Variants in PCSK5 observed in about 807,000 individuals in gnomAD.
The protein encoded by PCSK5 is prohormone convertase 5.
Under a neutral mutation model 233.2 loss-of-function variants are expected in PCSK5, and 129 were observed. That is an observed-to-expected ratio of 0.55 (90% CI 0.48 to 0.64). The LOEUF (loss-of-function observed/expected upper bound fraction) is 0.64. Among genes scored for constraint, PCSK5 ranks in the 30% least tolerant of loss-of-function variants. The pLI, the probability that PCSK5 is intolerant of heterozygous loss-of-function variation, is 0.00. For synonymous variants in PCSK5, 825 were observed against 879.2 expected (o/e 0.94, Z 1.09); for missense variants, 2,076 against 2,430.1 (o/e 0.85, Z 3.06).
At position 75,932,796 on chromosome 9, in the gene PCSK5, A is replaced by G. The variant is rs1587381271; in HGVS notation, c.297+313A>G. On this transcript the variant is annotated intron_variant, in intron 2 of 37. Coordinates refer to ENST00000674117, the MANE Select transcript of PCSK5 (RefSeq NM_001372043.1). ...GATTGAGAATGATTGAACTGTTAACAATACCATACTGTCTACCTATTTGCA... is the reference window on the plus strand; with the variant it reads ...GATTGAGAATGATTGAACTGTTAACGATACCATACTGTCTACCTATTTGCA... Among the ~76,000 whole-genome samples the G allele has an allele frequency of 2.0e-5, 3 of 152,260 alleles. No individual in the cohort carries two copies. The South Asian group carries it at 6.2e-4, about 32-fold the overall frequency.
At chr9:76,056,808 T>A (rs541231073) in intron 5 of PCSK5, among the ~76,000 whole-genome samples, 3 of 152,326 alleles carry the variant, frequency 2.0e-5, no homozygotes, top group East Asian at 1.9e-4. Flanking sequence ...GCATTTTTTT[T>A]AAGTTATTAG....
At chr9:76,109,022 T>G (rs1191908654) in intron 9 of PCSK5, among the ~76,000 whole-genome samples, 1 of 152,196 alleles carries the variant, frequency 6.6e-6, no homozygotes, top group East Asian at 1.9e-4. Context: ...GATTTCTTTC[T>G]TTTTGACGAG....
At chr9:75,920,532 G>A (rs1823208962) in intron 1 of PCSK5, among the ~76,000 whole-genome samples, 1 of 152,050 alleles carries the variant, frequency 6.6e-6, no homozygotes, top group Non-Finnish European at 1.5e-5. Flanking sequence ...AGGCTGGGTG[G>A]TATGGGTCAT....
At chr9:76,064,774 G>T (rs1428788662) in intron 5 of PCSK5, among the ~76,000 whole-genome samples, 4 of 150,952 alleles carry the variant, frequency 2.6e-5, no homozygotes, top group Non-Finnish European at 5.9e-5. Context: ...TCCCAGATGG[G>T]GCGGCGGGGC....
chr9:76,162,451 C>T (rs1411955), intron 12 of PCSK5, among the ~76,000 whole-genome samples: 139,438 of 152,118 alleles, frequency 0.92, 64,082 homozygotes, highest in East Asian at 1. Flanking sequence ...AACAAGGGCA[C>T]AGAAAGGGGT....
At chr9:76,191,885 C>T (rs919422392) in intron 20 of PCSK5, among the ~76,000 whole-genome samples, 6 of 151,944 alleles carry the variant, frequency 3.9e-5, no homozygotes, top group African/African-American at 1.2e-4. Flanking sequence ...GTGAGACCAG[C>T]CTGAGCAACA....
rs59248860 is a variant in PCSK5 at position 76,173,496 on chromosome 9, C to CTTTTTTTTTTTT, written c.1757-1465_1757-1454dup. On this transcript the variant is annotated intron_variant, in intron 13 of 37. Coordinates refer to ENST00000674117, the MANE Select transcript of PCSK5 (RefSeq NM_001372043.1). ...CTTTAATGAAATGGAGGCACGTTTC[C>CTTTTTTTTTTTT]TTTTTTTTTTTTTTTTTTTTTTTTT... is the stretch of plus-strand genomic sequence containing the variant. Among the ~76,000 whole-genome samples the CTTTTTTTTTTTT allele has an allele frequency of 6.6e-3, 403 of 60,960 alleles. 46 individuals are homozygous for CTTTTTTTTTTTT. Among genetic ancestry groups the CTTTTTTTTTTTT allele is most frequent in the Non-Finnish European group, 9.1e-3 (274 of 30,096 alleles). 40.0% of individuals were successfully genotyped at this position (60,960 alleles called of 152,430 possible).
At chr9:76,331,696 G>T (rs942745967) in intron 33 of PCSK5, among the ~76,000 whole-genome samples, 19 of 151,904 alleles carry the variant, frequency 1.3e-4, no homozygotes, top group African/African-American at 4.6e-4. Flanking sequence ...GATGCCAGGG[G>T]ATCAGAGTCA....
intron 25 of PCSK5, 91 bp from the exon 26 acceptor site, chr9:76,295,184 C>T (rs9411163): frequency 0.2 from 230,070 of 1,151,822 alleles, 25,558 homozygotes; most frequent in Middle Eastern, 0.27. Context: ...AAACAAAAAA[C>T]TCTGCATAGA....
chr9:76,236,604 C>T (rs768511970), intron 22 of PCSK5, among the ~76,000 whole-genome samples: 27 of 152,166 alleles, frequency 1.8e-4, no homozygotes, highest in Non-Finnish European at 3.7e-4. Context: ...AAATTATCAT[C>T]CATAACTAAT....
At chr9:76,170,087 A>G (rs1432013994) in intron 13 of PCSK5, among the ~76,000 whole-genome samples, 2 of 152,256 alleles carry the variant, frequency 1.3e-5, no homozygotes, top group African/African-American at 4.8e-5. Context: ...TTGATGTTTC[A>G]GAATACATGA....
chr9:75,919,417 A>G (rs1213228495), intron 1 of PCSK5, among the ~76,000 whole-genome samples: 1 of 152,196 alleles, frequency 6.6e-6, no homozygotes, highest in Admixed American at 6.5e-5. Flanking sequence ...TCTAACAGTC[A>G]TGTACAAGTT....
intron 30 of PCSK5, among the ~76,000 whole-genome samples, chr9:76,311,419 C>G (rs1359163757): frequency 6.6e-6 from 1 of 151,154 alleles, no homozygotes; most frequent in African/African-American, 2.4e-5. Context: ...TTTTTTTCCT[C>G]CATTACAAAA....
intron 2 of PCSK5, among the ~76,000 whole-genome samples, chr9:75,980,236 G>A (rs1254175789): frequency 6.6e-6 from 1 of 152,178 alleles, no homozygotes; most frequent in Non-Finnish European, 1.5e-5. Context: ...ACAAAATATA[G>A]CAAGATTAAG....
At chr9:76,352,047 A>G (rs1373707748) in intron 36 of PCSK5, among the ~76,000 whole-genome samples, 6 of 152,244 alleles carry the variant, frequency 3.9e-5, no homozygotes, top group Non-Finnish European at 7.3e-5. Flanking sequence ...GGGCAAATCC[A>G]TAGAGTAAAG....
chr9:76,278,467 T>G (rs1305215286), intron 24 of PCSK5, among the ~76,000 whole-genome samples: 1 of 151,496 alleles, frequency 6.6e-6, no homozygotes, highest in African/African-American at 2.4e-5. Flanking sequence ...GGGAGATCTG[T>G]GGGAGGATGC....
intron 1 of PCSK5, among the ~76,000 whole-genome samples, chr9:75,892,840 C>T (rs1825670850): frequency 6.6e-6 from 1 of 152,180 alleles, no homozygotes; most frequent in Non-Finnish European, 1.5e-5. Flanking sequence ...GAAGCCAGCC[C>T]TGTGGAGAAC....
chr9:76,090,543 C>T (rs551716639), intron 7 of PCSK5, among the ~76,000 whole-genome samples: 1 of 152,294 alleles, frequency 6.6e-6, no homozygotes, highest in African/African-American at 2.4e-5. Flanking sequence ...ATGGCAGTCT[C>T]TATGCATTCT....
intron 24 of PCSK5, among the ~76,000 whole-genome samples, chr9:76,269,496 A>C (rs1005726872): frequency 3.9e-5 from 6 of 152,206 alleles, no homozygotes; most frequent in African/African-American, 1.4e-4. Context: ...GAAGGAGAAG[A>C]AGCTTAAAAA....
Sources: gnomAD v4.1 joint callset for allele counts (sites outside exome capture counted in the v4.1 genomes callset) on GRCh38, gnomAD v4.1.1 for gene constraint, MANE v1.5 for transcripts, NCBI Gene and HGNC (gene_info 2026-07-23, HGNC 2026-07-21) for gene names.